LIN9: variants seen among roughly 807,000 people sequenced by gnomAD.
The protein encoded by LIN9 is protein lin-9 homolog.
Under a neutral mutation model 78.0 loss-of-function variants are expected in LIN9, and 18 were observed. That is an observed-to-expected ratio of 0.23 (90% CI 0.16 to 0.34). The LOEUF (loss-of-function observed/expected upper bound fraction) is 0.34. Among genes scored for constraint, LIN9 ranks in the 10% least tolerant of loss-of-function variants. The probability of loss-of-function intolerance (pLI) is 1.00; values close to 1 mark genes in which losing one functional copy is unlikely to be tolerated. For missense variants in LIN9, 451 were observed against 644.1 expected, an observed-to-expected ratio of 0.70 and a Z score of 3.25; for synonymous variants, 192 against 215.2, an observed-to-expected ratio of 0.89 and a Z score of 0.94.
intron 1 of LIN9, among the ~76,000 whole-genome samples, chr1:226,305,340 A>T (rs913266121): frequency 6.7e-6 from 1 of 149,720 alleles, no homozygotes. Flanking sequence ...AAAAAAAAAA[A>T]ACCTTAGTTG....
intron 7 of LIN9, among the ~76,000 whole-genome samples, chr1:226,270,890 TTC>T (rs1660234631): frequency 6.6e-6 from 1 of 151,734 alleles, no homozygotes; most frequent in Admixed American, 6.6e-5. Context: ...TTCTCTTCAT[TTC>T]TGTTTTTTGA....
chr1:226,297,667 C>G, intron 3 of LIN9, 52 bp downstream of exon 3: 1 of 1,274,700 alleles, frequency 7.8e-7, no homozygotes, highest in Non-Finnish European at 1.1e-6. Flanking sequence ...GACAATAATA[C>G]AGACAACTTA....
intron 4 of LIN9, among the ~76,000 whole-genome samples, chr1:226,292,033 T>C (rs1321598471): frequency 6.6e-6 from 1 of 152,222 alleles, no homozygotes; most frequent in East Asian, 1.9e-4. Flanking sequence ...GTGTTATTTC[T>C]TTCTACTACA....
chr1:226,300,704 A>G (rs939972307), intron 2 of LIN9, among the ~76,000 whole-genome samples: 2 of 152,122 alleles, frequency 1.3e-5, no homozygotes, highest in African/African-American at 4.8e-5. Context: ...GAAATTACAA[A>G]AATTAGCCAG....
rs186808766 is a variant in LIN9, at chr1:226,307,496, C to T, written c.31+1613G>A. ...TAAAAATACAAAAAAATTAGGCAGG[C>T]GTGGTGGCACATGCCTGTAACCCCA... On this transcript the variant is annotated intron_variant, in intron 1 of 14. Transcript: ENST00000681046. Among the ~76,000 whole-genome samples, 110 of 152,224 alleles carry T rather than the reference C, an allele frequency of 7.2e-4. 1 individual carries two copies. The highest frequency in any genetic ancestry group is 2.6e-3 in the African/African-American group (106 of 41,540).
intron 1 of LIN9, among the ~76,000 whole-genome samples, chr1:226,308,039 G>A (rs1663028756): frequency 6.6e-6 from 1 of 152,140 alleles, no homozygotes. Context: ...AAATGGAATC[G>A]GTAGTATGTT....
intron 6 of LIN9, among the ~76,000 whole-genome samples, chr1:226,279,769 G>GAAAA (rs372383120): frequency 3.8e-4 from 36 of 93,742 alleles, no homozygotes; most frequent in Middle Eastern, 0.013. Context: ...GACCCAGTCT[G>GAAAA]AAAAAAAAAA....
intron 7 of LIN9, among the ~76,000 whole-genome samples, chr1:226,273,964 A>G (rs1193475143): frequency 5.9e-5 from 9 of 151,972 alleles, no homozygotes; most frequent in South Asian, 2.1e-4. Context: ...CAGCCTCCCA[A>G]GTAGCTAGGA....
chr1:226,306,903 C>CAAAG (rs1250163315), intron 1 of LIN9, among the ~76,000 whole-genome samples: 2 of 152,112 alleles, frequency 1.3e-5, no homozygotes, highest in African/African-American at 4.8e-5. Context: ...CACTGTATGA[C>CAAAG]AAAGAAAGAA....
intron 11 of LIN9, among the ~76,000 whole-genome samples, chr1:226,242,931 T>A (rs1193191931): frequency 6.6e-6 from 1 of 152,252 alleles, no homozygotes; most frequent in Non-Finnish European, 1.5e-5. Context: ...TTCTCTAGCT[T>A]ACTTTATGTA....
intron 3 of LIN9, among the ~76,000 whole-genome samples, 158 bp downstream of exon 3, chr1:226,297,561 T>C (rs1404695547): frequency 1.3e-5 from 2 of 152,206 alleles, no homozygotes; most frequent in African/African-American, 4.8e-5. Context: ...TGGGTACAGA[T>C]TAATTTACCT....
chr1:226,231,556 A>C lies in LIN9; in HGVS notation c.*945T>G, dbSNP rs914595230. 3 of 152,578 alleles carry C rather than the reference A, an allele frequency of 2.0e-5. No individual in the cohort carries two copies. The highest frequency in any genetic ancestry group is 4.4e-5 in the Non-Finnish European group (3 of 68,022). The allele number at this position is 152,578 out of a possible 1,614,324, so 9.5% of individuals were successfully genotyped here. On this transcript the variant is annotated 3_prime_UTR_variant, in exon 15 of 15. Transcript: ENST00000681046. Reference sequence around the variant, plus strand: ...GGCAGCGTTTTCCTAAAAAAGAAAAACAACCAAAACAAGCCTTTCTTCTGC... The same window carrying C: ...GGCAGCGTTTTCCTAAAAAAGAAAACCAACCAAAACAAGCCTTTCTTCTGC...
chr1:226,267,372 G>A (rs1659998650), intron 8 of LIN9, among the ~76,000 whole-genome samples: 1 of 134,354 alleles, frequency 7.4e-6, no homozygotes, highest in Non-Finnish European at 1.5e-5. Flanking sequence ...GCAGTGAGCC[G>A]AGATCACACC....
chr1:226,234,933 C>CCCAG (rs1241070251), intron 12 of LIN9, among the ~76,000 whole-genome samples: 4 of 142,210 alleles, frequency 2.8e-5, no homozygotes, highest in Admixed American at 1.6e-4. Flanking sequence ...ACTCTGTTGC[C>CCCAG]CAGGCTGGAG....
At chr1:226,257,711 T>C (rs1659289435) in intron 10 of LIN9, among the ~76,000 whole-genome samples, 1 of 151,614 alleles carries the variant, frequency 6.6e-6, no homozygotes, top group Non-Finnish European at 1.5e-5. Flanking sequence ...TGGAATTATA[T>C]AAAGTAAACC....
At chr1:226,292,127 G>A (rs556316933) in intron 4 of LIN9, among the ~76,000 whole-genome samples, 3 of 152,198 alleles carry the variant, frequency 2.0e-5, no homozygotes, top group Non-Finnish European at 4.4e-5. Flanking sequence ...CCGCCTGTTG[G>A]GTATGGGAAA....
chr1:226,298,655 G>T (rs1275606383), intron 2 of LIN9, among the ~76,000 whole-genome samples: 1 of 152,180 alleles, frequency 6.6e-6, no homozygotes, highest in Non-Finnish European at 1.5e-5. Flanking sequence ...GAGGCCATGA[G>T]TTCGAGACCA....
At chr1:226,263,171 G>A (rs1659702511) in intron 10 of LIN9, among the ~76,000 whole-genome samples, 2 of 152,128 alleles carry the variant, frequency 1.3e-5, no homozygotes, top group African/African-American at 4.8e-5. Flanking sequence ...GATTTTTAGG[G>A]CAGCAAAACT....
chr1:226,288,797 T>C (rs2102632054), intron 4 of LIN9, among the ~76,000 whole-genome samples: 1 of 152,360 alleles, frequency 6.6e-6, no homozygotes, highest in African/African-American at 2.4e-5. Context: ...AATCAGTTCT[T>C]AGGTAGTCTC....
Sources: gnomAD v4.1 joint callset for allele counts (sites outside exome capture counted in the v4.1 genomes callset) on GRCh38, gnomAD v4.1.1 for gene constraint, MANE v1.5 for transcripts, NCBI Gene and HGNC (gene_info 2026-07-23, HGNC 2026-07-21) for gene names.